Variants in PTPRB observed in about 807,000 individuals in gnomAD.
The protein encoded by PTPRB is protein tyrosine phosphatase receptor type B.
A neutral mutation model predicts 238.1 loss-of-function variants in PTPRB; 97 were observed. The observed-to-expected ratio is 0.41, with a 90% CI of 0.35 to 0.48. PTPRB has a LOEUF of 0.48. Among genes scored for constraint, PTPRB ranks in the 20% least tolerant of loss-of-function variants. The pLI, the probability that PTPRB is intolerant of heterozygous loss-of-function variation, is 0.30. For synonymous variants in PTPRB, 970 were observed against 995.4 expected (o/e 0.97, Z 0.48); for missense variants, 2,292 against 2,681.9 (o/e 0.85, Z 3.21).
chr12:70,609,837 G>A, intron 3 of PTPRB: 2 of 1,566,422 alleles, frequency 1.3e-6, no homozygotes, highest in South Asian at 1.2e-5. Flanking sequence ...TTAAGATCCA[G>A]AGGAGACCGA....
At chr12:70,603,032 C>T (rs1883646923) in intron 4 of PTPRB, among the ~76,000 whole-genome samples, 1 of 142,712 alleles carries the variant, frequency 7.0e-6, no homozygotes, top group African/African-American at 2.6e-5. Context: ...AAACAGTTTT[C>T]CTTTGTTTTT....
At position 70,538,966 on chromosome 12, in the gene PTPRB, G is replaced by A; in HGVS notation, c.5827C>T (p.Pro1943Ser). The A allele has an allele frequency of 6.2e-7, 1 of 1,613,660 alleles. No homozygotes were observed. The highest frequency in any genetic ancestry group is 8.5e-7 in the Non-Finnish European group (1 of 1,179,780). The change falls in exon 27 of 34, where the codon CCG becomes TCG. Residue 1943 changes from proline to serine, a missense_variant. Physicochemically the swap from Pro to Ser is moderately conservative, Grantham distance 74. Coordinates refer to ENST00000334414, the MANE Select transcript of PTPRB (RefSeq NM_001109754.4). ...TATCGATTTTTCCCTCTATTCTCCG[G>A]CAAGAGTGCAATGTCACATGACTGG... is the stretch of plus-strand genomic sequence containing the variant. ...RNQSCDIALL[P>S]ENRGKNRYNN...
At chr12:70,612,900 T>C (rs893309882) in intron 3 of PTPRB, among the ~76,000 whole-genome samples, 3 of 152,012 alleles carry the variant, frequency 2.0e-5, no homozygotes, top group African/African-American at 7.2e-5. Flanking sequence ...AGCAGGAGGA[T>C]TGCTTAACCC....
rs561135364 is a variant in PTPRB, at chr12:70,520,387, T to G, written c.*1102A>C. The G allele has an allele frequency of 4.3e-6, 1 of 234,062 alleles. No individual in the cohort carries two copies. The highest frequency in any genetic ancestry group is 5.6e-5 in the Admixed American group (1 of 17,750). 14.5% of individuals were successfully genotyped at this position (234,062 alleles called of 1,614,324 possible). A position where few individuals can be genotyped will look rare whatever the true frequency, so the allele number is the denominator to read the frequency against. On this transcript the variant is annotated 3_prime_UTR_variant, in exon 34 of 34. Coordinates refer to ENST00000334414, the MANE Select transcript of PTPRB (RefSeq NM_001109754.4). Reference sequence around the variant, plus strand: ...CTTCATTGATTTACTAAAAGAAGTTTTGAAAATTTTACTGAAGACCACTGT... The same window carrying G: ...CTTCATTGATTTACTAAAAGAAGTTGTGAAAATTTTACTGAAGACCACTGT...
At chr12:70,570,189 G>A (rs1879858722) in intron 13 of PTPRB, among the ~76,000 whole-genome samples, 1 of 152,188 alleles carries the variant, frequency 6.6e-6, no homozygotes, top group Non-Finnish European at 1.5e-5. Context: ...GCTAGTTAGG[G>A]TGTCTTGGTC....
chr12:70,576,359 C>A, intron 11 of PTPRB, 23 bp downstream of exon 11: 1 of 1,608,108 alleles, frequency 6.2e-7, no homozygotes, highest in South Asian at 1.1e-5. Context: ...CTTACGGAGC[C>A]CTGAACCTTC....
At chr12:70,546,136 C>CA (rs35320376) in intron 21 of PTPRB, among the ~76,000 whole-genome samples, 1,401 of 81,864 alleles carry the variant, frequency 0.017, 8 homozygotes, top group East Asian at 0.032. Flanking sequence ...GACTCCACCT[C>CA]AAAAAAAAAA....
intron 4 of PTPRB, among the ~76,000 whole-genome samples, chr12:70,607,953 T>G (rs373831944): frequency 1.3e-5 from 2 of 151,722 alleles, no homozygotes; most frequent in East Asian, 1.9e-4. Flanking sequence ...AGTTAAGTGA[T>G]GTAATTGGGC....
At chr12:70,528,839 A>C (rs1442278745) in intron 32 of PTPRB, among the ~76,000 whole-genome samples, 1 of 152,174 alleles carries the variant, frequency 6.6e-6, no homozygotes, top group African/African-American at 2.4e-5. Flanking sequence ...AAACACATGG[A>C]TGGCAATACT....
intron 32 of PTPRB, among the ~76,000 whole-genome samples, chr12:70,528,707 GC>G (rs1872749847): frequency 6.6e-6 from 1 of 152,192 alleles, no homozygotes; most frequent in East Asian, 1.9e-4. Context: ...ATGTAAGCAT[GC>G]CAGGTGTGGT....
At chr12:70,611,781 C>T (rs546168914) in intron 3 of PTPRB, among the ~76,000 whole-genome samples, 53 of 152,156 alleles carry the variant, frequency 3.5e-4, no homozygotes, top group African/African-American at 9.2e-4. Context: ...TTTCTGGGAA[C>T]AAAAAAACTC....
At chr12:70,582,948 C>T (rs1481272240) in intron 9 of PTPRB, among the ~76,000 whole-genome samples, 1 of 152,116 alleles carries the variant, frequency 6.6e-6, no homozygotes, top group African/African-American at 2.4e-5. Flanking sequence ...GATTCTCAAA[C>T]CCATTAGACA....
intron 2 of PTPRB, 72 bp downstream of exon 2, chr12:70,635,599 A>C: frequency 6.7e-7 from 1 of 1,502,944 alleles, no homozygotes; most frequent in South Asian, 1.3e-5. Flanking sequence ...CAAACAAACA[A>C]ACAAACAAAC....
At chr12:70,579,464 C>T (rs569336179) in intron 10 of PTPRB, among the ~76,000 whole-genome samples, 61 of 152,096 alleles carry the variant, frequency 4.0e-4, no homozygotes, top group African/African-American at 1.4e-3. Flanking sequence ...TTTGGGAGGC[C>T]GAGGCAGGCA....
In PTPRB at chr12:70,592,293, A is replaced by G. The variant is rs1229477982; in HGVS notation, c.1769T>C (p.Val590Ala). The change falls in exon 7 of 34, where the codon GTG becomes GCG. Residue 590 changes from valine (V) to alanine (A), a missense_variant. Around this residue, in one of 4 missense-constraint regions of PTPRB, gnomAD observed 1,205 missense variants for 1,287.8 expected, o/e 0.94. Transcript: ENST00000334414. ...SGELSAQKMAVGRTFPDKVAN... is the reference protein window; with the variant it reads ...SGELSAQKMAAGRTFPDKVAN... ...AGCCCAAGACTCACATGTTCTGCCC[A>G]CTGCCATCTTCTGAGCAGACAGTTC... 1 of 1,614,020 alleles carries G rather than the reference A, an allele frequency of 6.2e-7. No homozygotes were observed. Among genetic ancestry groups the G allele is most frequent in the Non-Finnish European group, 8.5e-7 (1 of 1,179,890 alleles).
intron 16 of PTPRB, among the ~76,000 whole-genome samples, chr12:70,561,689 C>T (rs1473816416): frequency 6.6e-5 from 10 of 152,204 alleles, no homozygotes; most frequent in South Asian, 2.1e-4. Flanking sequence ...TATGTTCCCA[C>T]GTGGCTCCCC....
chr12:70,635,974 G>T lies in PTPRB; in HGVS notation c.148C>A (p.Gln50Lys). 1.2e-6 allele frequency: 2 copies of T among 1,613,530 alleles called. No individual in the cohort carries two copies. The highest frequency in any genetic ancestry group is 1.7e-6 in the Non-Finnish European group (2 of 1,179,744). ...VGSCNRTIQN[Q>K]QWMWTEDEKL... is the part of the protein sequence containing the mutation. ...TCATCCTCAGTCCACATCCACTGCT[G>T]GTTCTGGATGGTCCTGTTGCATGAG... Residue 50 changes from glutamine (Q) to lysine (K), a missense_variant, in exon 2 of 34, where the codon CAG becomes AAG. By Grantham distance (53) the Gln-to-Lys change is moderately conservative (BLOSUM62 1). This residue lies in a region of PTPRB where 1,205 missense variants were observed against 1,287.8 expected (regional missense o/e 0.94). Coordinates refer to ENST00000334414, the MANE Select transcript of PTPRB (RefSeq NM_001109754.4).
Position 70,559,396 on chromosome 12 carries a change from C to A in PTPRB, c.4661G>T (p.Ser1554Ile), listed in dbSNP as rs750545527. 6.2e-7 allele frequency: 1 copy of A among 1,613,930 alleles called. No homozygotes were observed. Among genetic ancestry groups the A allele is most frequent in the East Asian group, 2.2e-5 (1 of 44,886 alleles). Residue 1554 changes from serine (S) to isoleucine (I), a missense_variant, in exon 18 of 34, where the codon AGT becomes ATT. Physicochemically the swap from Ser to Ile is moderately radical, Grantham distance 142. Coordinates refer to ENST00000334414, the MANE Select transcript of PTPRB (RefSeq NM_001109754.4). The part of the protein sequence containing the change: ...RSYQFNVKTV[S>I]GDSWKTYSKP... ...GCTGTAAGTTTTCCAGGAATCACCA[C>A]TGACAGTCTTGACGTTGAATTGATA...
intron 18 of PTPRB, 23 bp from the exon 19 acceptor site, chr12:70,556,171 C>A: frequency 6.3e-7 from 1 of 1,594,096 alleles, no homozygotes. Flanking sequence ...GAGGAGGCAA[C>A]ACTTTTCAGA....
Sources: gnomAD v4.1 joint callset for allele counts (sites outside exome capture counted in the v4.1 genomes callset) on GRCh38, gnomAD v4.1.1 for gene constraint, gnomAD v4.1.1 regional missense constraint, MANE v1.5 for transcripts, NCBI Gene and HGNC (gene_info 2026-07-23, HGNC 2026-07-21) for gene names.